The following GPR137B variants were observed in gnomAD, a reference collection of about 807,000 sequenced individuals.
GPR137B encodes the protein G protein-coupled receptor 137B, also known as integral membrane protein GPR137B.
GPR137B carries 42 observed loss-of-function variants against 42.5 expected under a neutral mutation model. The ratio of observed to expected loss-of-function variants is 0.99; its 90% CI spans 0.77 to 1.28. The LOEUF (loss-of-function observed/expected upper bound fraction) is 1.28. Ranked by LOEUF, GPR137B falls within the 50% of genes most tolerant of loss-of-function variation. The probability of loss-of-function intolerance (pLI) is 0.00; values close to 1 mark genes in which losing one functional copy is unlikely to be tolerated. For synonymous variants in GPR137B, 218 were observed against 209.7 expected (o/e 1.04, Z -0.34); for missense variants, 487 against 493.9 (o/e 0.99, Z 0.13).
In GPR137B at chr1:236,156,212, C is replaced by T. The variant is rs114692868; in HGVS notation, c.415-12494C>T. 5.9e-3 allele frequency among the ~76,000 whole-genome samples: 902 copies of T among 152,312 alleles called. 11 individuals carry two copies. Among genetic ancestry groups the T allele is most frequent in the African/African-American group, 0.02 (834 of 41,562 alleles). On this transcript the variant is annotated intron_variant, in intron 1 of 6. Coordinates refer to ENST00000366592, the MANE Select transcript of GPR137B (RefSeq NM_003272.4). The surrounding 1 kb of genome is among the most constrained non-coding windows in gnomAD (Gnocchi z 4.8). ...CACATTCCAAGGGCCAGCACGAGGC[C>T]AGGAGCAGGCAGGACCAGCTTCTTG...
At position 236,150,027 on chromosome 1, in the gene GPR137B, CTG is replaced by C. The variant is rs140228768; in HGVS notation, c.414+7004_414+7005del. On this transcript the variant is annotated intron_variant, in intron 1 of 6. Transcript: ENST00000366592. This position sits in a 1 kb window ranked among gnomAD's most constrained non-coding sequence, Gnocchi z 6.2. ...CCTGTGTGTGTGCCTGTGTGTGTAC[CTG>C]TGTGTGTGTGTGCCTGCCTCTGTGT... Among the ~76,000 whole-genome samples, 8 of 133,910 alleles carry C rather than the reference CTG, an allele frequency of 6.0e-5. No individual in the cohort carries two copies. Among genetic ancestry groups the C allele is most frequent in the South Asian group, 4.8e-4 (2 of 4,140 alleles). The allele number at this position is 133,910 out of a possible 152,430, so 87.9% of individuals were successfully genotyped here.
At chr1:236,202,821 T>A (rs1482516278) in intron 5 of GPR137B, among the ~76,000 whole-genome samples, 1 of 152,226 alleles carries the variant, frequency 6.6e-6, no homozygotes, top group Non-Finnish European at 1.5e-5. Context: ...AATGTTTTCT[T>A]GTAGTAGTTT....
At chr1:236,176,271 A>T (rs10924516) in intron 2 of GPR137B, among the ~76,000 whole-genome samples, 5 of 152,056 alleles carry the variant, frequency 3.3e-5, no homozygotes, top group African/African-American at 9.7e-5. Context: ...GTGTATCATG[A>T]CACATGAGGT....
intron 2 of GPR137B, among the ~76,000 whole-genome samples, chr1:236,172,946 C>G (rs1662585857): frequency 6.6e-6 from 1 of 151,442 alleles, no homozygotes; most frequent in African/African-American, 2.4e-5. Flanking sequence ...CCCGCCTCAG[C>G]CTCCCAGAGT....
chr1:236,187,306 C>G (rs1415347766), intron 5 of GPR137B, among the ~76,000 whole-genome samples: 1 of 152,142 alleles, frequency 6.6e-6, no homozygotes, highest in Non-Finnish European at 1.5e-5. Flanking sequence ...ATGATAGTTT[C>G]TTTTGCTGTG....
chr1:236,168,216 C>T (rs1289418419), intron 1 of GPR137B, among the ~76,000 whole-genome samples: 1 of 152,096 alleles, frequency 6.6e-6, no homozygotes, highest in Non-Finnish European at 1.5e-5. Context: ...CACCTGAGGT[C>T]AGGAGTTCGA....
At chr1:236,181,926 C>G (rs1232983765) in intron 4 of GPR137B, among the ~76,000 whole-genome samples, 1 of 122,178 alleles carries the variant, frequency 8.2e-6, no homozygotes, top group Non-Finnish European at 1.6e-5. Context: ...CGGAGTCTCT[C>G]TCTGTCACCA....
At chr1:236,180,626 G>A in intron 4 of GPR137B, among the ~76,000 whole-genome samples, 1 of 148,096 alleles carries the variant, frequency 6.8e-6, no homozygotes, top group Non-Finnish European at 1.5e-5. Context: ...TTATTAAGCA[G>A]TACTTAATTT....
At chr1:236,206,875 G>GC (rs1399416565) in intron 6 of GPR137B, among the ~76,000 whole-genome samples, 2 of 151,036 alleles carry the variant, frequency 1.3e-5, no homozygotes, top group African/African-American at 4.8e-5. Flanking sequence ...CATAGTGCCT[G>GC]CCAAGCCTGT....
At chr1:236,183,389 G>T (rs904079021) in intron 4 of GPR137B, among the ~76,000 whole-genome samples, 1 of 152,172 alleles carries the variant, frequency 6.6e-6, no homozygotes, top group East Asian at 1.9e-4. Flanking sequence ...AAGAAAATCA[G>T]CTTAGATTTA....
intron 3 of GPR137B, 145 bp downstream of exon 3, chr1:236,178,781 C>T (rs1662770289): frequency 1.1e-4 from 5 of 45,908 alleles, no homozygotes; most frequent in Non-Finnish European, 1.9e-4. Context: ...AGGGGCTACT[C>T]GAGGTTTTTT....
At chr1:236,154,304 G>A (rs900373977) in intron 1 of GPR137B, among the ~76,000 whole-genome samples, 42 of 152,114 alleles carry the variant, frequency 2.8e-4, no homozygotes, top group African/African-American at 9.7e-4. Context: ...CCTGCGCCCT[G>A]GGGCTGTGAA....
At chr1:236,165,048 G>A (rs1049062812) in intron 1 of GPR137B, among the ~76,000 whole-genome samples, 3 of 152,166 alleles carry the variant, frequency 2.0e-5, no homozygotes, top group African/African-American at 7.2e-5. Context: ...GGGATTCCAG[G>A]TGCCTGCCAC....
chr1:236,196,679 G>C (rs985583222), intron 5 of GPR137B, among the ~76,000 whole-genome samples: 1 of 152,052 alleles, frequency 6.6e-6, no homozygotes, highest in African/African-American at 2.4e-5. Context: ...TCATAGCTCA[G>C]CTCCTGCTTA....
At chr1:236,207,339 T>G in intron 6 of GPR137B, 1 of 915,946 alleles carries the variant, frequency 1.1e-6, no homozygotes, top group Non-Finnish European at 1.3e-6. Context: ...AGCTGTCCTT[T>G]GGGTCACTCA....
chr1:236,169,216 A>AGGTGCAGGTGCAGGTG (rs1208254310), intron 2 of GPR137B, among the ~76,000 whole-genome samples: 2,485 of 131,260 alleles, frequency 0.019, 53 homozygotes, highest in East Asian at 0.074. Flanking sequence ...AGGTGCAGGT[A>AGGTGCAGGTGCAGGTG]CAGGTACAGG....
chr1:236,207,561 G>A (rs2102929571), intron 6 of GPR137B, among the ~76,000 whole-genome samples: 1 of 152,306 alleles, frequency 6.6e-6, no homozygotes, highest in South Asian at 2.1e-4. Flanking sequence ...TAATTATAAT[G>A]AAAACGACTT....
chr1:236,178,451 G>A lies in GPR137B; in HGVS notation c.502G>A (p.Val168Ile), dbSNP rs1446987576. Residue 168 changes from valine (V) to isoleucine (I), a missense_variant, in exon 3 of 7, where the codon GTT becomes ATT. Transcript: ENST00000366592. ...LYLASLFISL[V>I]FLLVNLTCAV... ...CCTGGCCTCCCTCTTCATCAGCCTTGTTTTCCTGTTGGTGAATTTAACCTG... is the reference window on the plus strand; with the variant it reads ...CCTGGCCTCCCTCTTCATCAGCCTTATTTTCCTGTTGGTGAATTTAACCTG... The A allele has an allele frequency of 6.2e-7, 1 of 1,613,854 alleles. No homozygotes were observed. The highest frequency in any genetic ancestry group is 8.5e-7 in the Non-Finnish European group (1 of 1,179,966).
Position 236,208,336 on chromosome 1 carries a change from G to C in GPR137B, c.*178G>C. The C allele has an allele frequency of 7.6e-7, 1 of 1,313,308 alleles. No homozygotes were observed. Among genetic ancestry groups the C allele is most frequent in the Non-Finnish European group, 9.7e-7 (1 of 1,028,062 alleles). 81.4% of individuals were successfully genotyped at this position (1,313,308 alleles called of 1,614,324 possible). Reference sequence around the variant, plus strand: ...TGTAGACTGATAAACCCTTATTTTAGTACTAAAGAGGGAGCCTTGCTATTT... The same window carrying C: ...TGTAGACTGATAAACCCTTATTTTACTACTAAAGAGGGAGCCTTGCTATTT... On this transcript the variant is annotated 3_prime_UTR_variant, in exon 7 of 7. Transcript: ENST00000366592.
Sources: gnomAD v4.1 joint callset for allele counts (sites outside exome capture counted in the v4.1 genomes callset) on GRCh38, gnomAD v4.1.1 for gene constraint, Gnocchi (gnomAD v3.1) non-coding constraint, MANE v1.5 for transcripts, NCBI Gene and HGNC (gene_info 2026-07-23, HGNC 2026-07-21) for gene names.